CERT1: variants seen among roughly 807,000 people sequenced by gnomAD.
CERT1 encodes ceramide transfer protein.
In CERT1, 31 loss-of-function variants were observed where a neutral mutation model predicts 87.9. That is an observed-to-expected ratio of 0.35 (90% CI 0.27 to 0.48). The LOEUF (loss-of-function observed/expected upper bound fraction) is 0.48, where lower values mean the gene tolerates loss of function less well. CERT1 is among the 20% of genes least tolerant of loss of function. The pLI is 0.99. For missense variants in CERT1, 487 were observed against 758.0 expected (o/e 0.64, Z 4.20); for synonymous variants, 289 against 250.9 (o/e 1.15, Z -1.44).
intron 3 of CERT1, among the ~76,000 whole-genome samples, chr5:75,437,817 C>A (rs542372036): frequency 8.0e-5 from 12 of 149,764 alleles, no homozygotes; most frequent in African/African-American, 2.9e-4. Context: ...ACTCATGAAT[C>A]CTACTTCCAT....
chr5:75,495,003 T>C (rs1253299847), intron 2 of CERT1, among the ~76,000 whole-genome samples: 3 of 152,202 alleles, frequency 2.0e-5, no homozygotes, highest in African/African-American at 7.2e-5. Context: ...TCAGGAATCA[T>C]TACCCTTTCC....
chr5:75,370,701 C>T (rs1266968026), intron 17 of CERT1: 4 of 152,062 alleles, frequency 2.6e-5, no homozygotes, highest in Non-Finnish European at 4.4e-5. Flanking sequence ...CCTGTAATCC[C>T]AGCACTTTGG....
At chr5:75,474,659 G>A (rs1765877777) in intron 2 of CERT1, among the ~76,000 whole-genome samples, 2 of 151,934 alleles carry the variant, frequency 1.3e-5, no homozygotes, top group African/African-American at 4.8e-5. Flanking sequence ...TTAACAAATC[G>A]TGTTAGGAAA....
At chr5:75,432,957 C>G (rs1763936507) in intron 3 of CERT1, among the ~76,000 whole-genome samples, 1 of 152,176 alleles carries the variant, frequency 6.6e-6, no homozygotes, top group Admixed American at 6.5e-5. Flanking sequence ...AATAGGGAGC[C>G]TTTTCCCTAT....
At chr5:75,500,048 G>C (rs1013397723) in intron 2 of CERT1, among the ~76,000 whole-genome samples, 3 of 152,156 alleles carry the variant, frequency 2.0e-5, no homozygotes, top group African/African-American at 7.2e-5. Flanking sequence ...TCTGGAAAAA[G>C]ACAAATACAT....
downstream of CERT1, chr5:75,374,663 G>A (rs1761221646): frequency 1.6e-6 from 1 of 632,428 alleles, no homozygotes; most frequent in South Asian, 1.4e-5. Flanking sequence ...TTCCCAAGCT[G>A]TTATGTGAAG....
intron 11 of CERT1, among the ~76,000 whole-genome samples, chr5:75,394,963 T>G (rs1762187183): frequency 6.6e-6 from 1 of 152,202 alleles, no homozygotes. Flanking sequence ...TATTTTAATT[T>G]TATTCTACTT....
At chr5:75,458,118 G>T (rs1358962301) in intron 3 of CERT1, among the ~76,000 whole-genome samples, 2 of 152,096 alleles carry the variant, frequency 1.3e-5, no homozygotes, top group Non-Finnish European at 2.9e-5. Flanking sequence ...ACTCAAGAAT[G>T]ACATGGTGGA....
intron 3 of CERT1, among the ~76,000 whole-genome samples, chr5:75,437,581 T>C (rs1295249586): frequency 6.6e-6 from 1 of 151,738 alleles, no homozygotes; most frequent in African/African-American, 2.4e-5. Context: ...GCCTGGCCAA[T>C]ATGGCAAAAC....
chr5:75,446,581 T>A (rs1764545978), intron 3 of CERT1, among the ~76,000 whole-genome samples: 1 of 152,216 alleles, frequency 6.6e-6, no homozygotes, highest in Admixed American at 6.5e-5. Flanking sequence ...TGTTTTTTTG[T>A]TGAAAACTGG....
intron 4 of CERT1, 40 bp downstream of exon 4, chr5:75,426,331 A>G: frequency 7.1e-7 from 1 of 1,402,616 alleles, no homozygotes. Context: ...ACTAAACTCA[A>G]TTTATGTTGT....
chr5:75,450,993 C>T (rs1764747256), intron 3 of CERT1, among the ~76,000 whole-genome samples: 1 of 152,148 alleles, frequency 6.6e-6, no homozygotes, highest in Non-Finnish European at 1.5e-5. Flanking sequence ...GTCTCAGATG[C>T]CAGTTTTCAA....
At chr5:75,475,371 G>A (rs1168182592) in intron 2 of CERT1, among the ~76,000 whole-genome samples, 1 of 152,126 alleles carries the variant, frequency 6.6e-6, no homozygotes, top group African/African-American at 2.4e-5. Context: ...CAAATTTAGT[G>A]TAATGTTTTC....
At chr5:75,458,865 T>C (rs556774063) in intron 3 of CERT1, among the ~76,000 whole-genome samples, 200 bp downstream of exon 3, 2 of 152,350 alleles carry the variant, frequency 1.3e-5, no homozygotes, top group African/African-American at 4.8e-5. Context: ...ATATTTATCA[T>C]AGCAAATACC....
chr5:75,398,425 T>C (rs933991280), intron 11 of CERT1, among the ~76,000 whole-genome samples: 2 of 152,162 alleles, frequency 1.3e-5, no homozygotes, highest in Admixed American at 1.3e-4. Context: ...ATCATAAAAA[T>C]GAAGCACAAA....
At chr5:75,507,356 C>T (rs1767697872) in intron 1 of CERT1, among the ~76,000 whole-genome samples, 1 of 152,128 alleles carries the variant, frequency 6.6e-6, no homozygotes, top group African/African-American at 2.4e-5. Context: ...AGCGATCTGT[C>T]TTCCTTGGTC....
intron 3 of CERT1, among the ~76,000 whole-genome samples, chr5:75,435,417 T>C (rs1764051667): frequency 6.6e-6 from 1 of 152,222 alleles, no homozygotes; most frequent in East Asian, 1.9e-4. Flanking sequence ...CTGAATTCTG[T>C]AGCTATCATT....
At chr5:75,402,569 C>G (rs985243612) in intron 9 of CERT1, 3 of 155,222 alleles carry the variant, frequency 1.9e-5, no homozygotes, top group Non-Finnish European at 4.3e-5. Context: ...GAGGCTGAGG[C>G]GGGTGGATCA....
At chr5:75,451,619 T>C (rs1032146434) in intron 3 of CERT1, among the ~76,000 whole-genome samples, 4 of 152,220 alleles carry the variant, frequency 2.6e-5, no homozygotes, top group Non-Finnish European at 5.9e-5. Flanking sequence ...ATATAATTTA[T>C]AAGGCAGATA....
Sources: allele counts gnomAD v4.1 joint callset (sites outside exome capture counted in the v4.1 genomes callset), GRCh38; gene constraint gnomAD v4.1.1; transcripts MANE v1.5; gene names NCBI Gene and HGNC (gene_info 2026-07-23, HGNC 2026-07-21).